MAST4: variants seen among roughly 807,000 people sequenced by gnomAD.
MAST4 encodes the protein microtubule associated serine/threonine kinase family member 4, also known as microtubule-associated serine/threonine-protein kinase 4.
Under a neutral mutation model 162.7 loss-of-function variants are expected in MAST4, and 89 were observed. That is an observed-to-expected ratio of 0.55 (90% CI 0.46 to 0.65). MAST4 has a LOEUF of 0.65. MAST4 is among the 30% of genes least tolerant of loss of function. The pLI, the probability that MAST4 is intolerant of heterozygous loss-of-function variation, is 0.00. For synonymous variants in MAST4, 1,479 were observed against 1,361.1 expected (o/e 1.09, Z -1.91); for missense variants, 3,153 against 3,374.0 (o/e 0.93, Z 1.62).
chr5:66,855,268 C>T (rs1759594477), intron 3 of MAST4, among the ~76,000 whole-genome samples: 1 of 152,160 alleles, frequency 6.6e-6, no homozygotes, highest in African/African-American at 2.4e-5. Context: ...CTCTCTCTTG[C>T]TCCCGCTATT....
intron 2 of MAST4, among the ~76,000 whole-genome samples, chr5:66,763,720 T>A (rs577531240): frequency 6.0e-4 from 91 of 152,352 alleles, no homozygotes; most frequent in African/African-American, 2.0e-3. Flanking sequence ...TGTAATTAAA[T>A]AATTGTATAC....
intron 1 of MAST4, among the ~76,000 whole-genome samples, chr5:66,679,049 C>T (rs946350922): frequency 1.3e-5 from 2 of 152,190 alleles, no homozygotes; most frequent in Non-Finnish European, 2.9e-5. Flanking sequence ...GCCTCGGCCT[C>T]CTGAAGTCTG....
At chr5:67,104,696 G>GTA in intron 10 of MAST4, 121 bp downstream of exon 10, 14 of 513,656 alleles carry the variant, frequency 2.7e-5, no homozygotes, top group East Asian at 3.5e-5. Flanking sequence ...CAAAAAAGAA[G>GTA]GAAAAAAAAA....
chr5:67,142,694 A>T (rs1041545704), intron 21 of MAST4, 161 bp downstream of exon 21: 10 of 596,474 alleles, frequency 1.7e-5, no homozygotes, highest in African/African-American at 1.7e-4. Flanking sequence ...CTCAACTTAT[A>T]GTCTGTCCCT....
chr5:67,094,241 G>C (rs1388242967), intron 6 of MAST4: 1 of 1,008,538 alleles, frequency 9.9e-7, no homozygotes, highest in Non-Finnish European at 1.4e-6. Context: ...TTGTCTTTGT[G>C]GACCATTTGC....
chr5:66,630,094 A>G (rs1744701412), intron 1 of MAST4, among the ~76,000 whole-genome samples: 1 of 151,914 alleles, frequency 6.6e-6, no homozygotes, highest in South Asian at 2.1e-4. Context: ...GGAACTTGGA[A>G]AAAAAAATCC....
chr5:66,872,147 A>C (rs1351866662), intron 3 of MAST4, among the ~76,000 whole-genome samples: 2 of 117,922 alleles, frequency 1.7e-5, no homozygotes, highest in East Asian at 2.4e-4. Flanking sequence ...ATAGGATATA[A>C]ATTTTTTGTT....
chr5:66,712,818 A>G (rs1580266215), intron 1 of MAST4, among the ~76,000 whole-genome samples: 1 of 152,330 alleles, frequency 6.6e-6, no homozygotes, highest in East Asian at 1.9e-4. Context: ...ATAGAGAAAT[A>G]AAAACTATCA....
chr5:66,974,785 C>T (rs767468635), intron 4 of MAST4, among the ~76,000 whole-genome samples: 1 of 152,086 alleles, frequency 6.6e-6, no homozygotes, highest in Non-Finnish European at 1.5e-5. Context: ...GTACATAATA[C>T]CTTGAAAGCT....
intron 3 of MAST4, among the ~76,000 whole-genome samples, chr5:66,855,576 G>A (rs1759620225): frequency 6.6e-6 from 1 of 152,216 alleles, no homozygotes; most frequent in Non-Finnish European, 1.5e-5. Flanking sequence ...CAAGAAGCAG[G>A]AATGAGGGAG....
intron 1 of MAST4, among the ~76,000 whole-genome samples, chr5:66,639,912 T>C (rs1745374288): frequency 6.6e-6 from 1 of 152,206 alleles, no homozygotes; most frequent in African/African-American, 2.4e-5. Flanking sequence ...AATTGATATA[T>C]CTATCATCTC....
chr5:66,730,828 G>A (rs1561291575), intron 1 of MAST4, among the ~76,000 whole-genome samples: 1 of 151,252 alleles, frequency 6.6e-6, no homozygotes, highest in Non-Finnish European at 1.5e-5. Flanking sequence ...ATGCCATTTT[G>A]CTTTATGGAT....
Position 66,882,825 on chromosome 5 carries a change from A to G in MAST4, c.643-17126A>G, listed in dbSNP as rs183576528. Among the ~76,000 whole-genome samples the G allele has an allele frequency of 5.4e-4, 83 of 152,298 alleles. 1 individual carries two copies. Among genetic ancestry groups the G allele is most frequent in the Non-Finnish European group, 9.7e-4 (66 of 68,034 alleles). On this transcript the variant is annotated intron_variant, in intron 3 of 28. Transcript: ENST00000403625. ...CTACAGTGTATGACGCAGAAGAGGCATACCTTTTTCTGAAGCTAAGTAGTA... is the reference window on the plus strand; with the variant it reads ...CTACAGTGTATGACGCAGAAGAGGCGTACCTTTTTCTGAAGCTAAGTAGTA...
chr5:67,109,602 C>T (rs1395404608), intron 10 of MAST4, among the ~76,000 whole-genome samples: 2 of 151,946 alleles, frequency 1.3e-5, no homozygotes, highest in Non-Finnish European at 2.9e-5. Flanking sequence ...ACACTTCTTA[C>T]GTGTGATAAT....
intron 4 of MAST4, among the ~76,000 whole-genome samples, chr5:67,021,094 C>T (rs1753916567): frequency 6.6e-6 from 1 of 152,160 alleles, no homozygotes; most frequent in Non-Finnish European, 1.5e-5. Flanking sequence ...GGTTGAAGTT[C>T]AGTCTTTCCT....
At position 67,163,910 on chromosome 5, in the gene MAST4, T is replaced by C; in HGVS notation, c.4731T>C (p.Tyr1577=). Residue 1577 remains tyrosine, a synonymous_variant, in exon 29 of 29, where the codon TAT becomes TAC. Transcript: ENST00000403625. The surrounding 1 kb of genome is among the most constrained non-coding windows in gnomAD (Gnocchi z 7.0). ...TGGAAGAGAGAGAGAAGAAAGTCTA[T>C]CCGAAGGCTGTGGAAAGGTCAAGTA... The part of the protein sequence containing the change: ...FKLEEREKKV[Y]PKAVERSSTF... The C allele has an allele frequency of 6.2e-7, 1 of 1,613,948 alleles. No individual in the cohort carries two copies. Among genetic ancestry groups the C allele is most frequent in the Non-Finnish European group, 8.5e-7 (1 of 1,179,888 alleles).
rs1158322314 is a variant in MAST4, at chr5:66,703,776, AG to A, written c.364-55931del. 3.3e-5 allele frequency among the ~76,000 whole-genome samples: 5 copies of A among 152,308 alleles called. No homozygotes were observed. In the East Asian group the frequency reaches 9.7e-4, roughly 29 times the overall value. ...GGAAATAGTCATTAAGCTAGTATACAGGAGATCAAATCAGGAGGAAAGAAGT... is the reference window on the plus strand; with the variant it reads ...GGAAATAGTCATTAAGCTAGTATACAGAGATCAAATCAGGAGGAAAGAAGT... On this transcript the variant is annotated intron_variant, in intron 1 of 28. Transcript: ENST00000403625.
chr5:67,135,822 C>G (rs975146954), intron 18 of MAST4, among the ~76,000 whole-genome samples: 2 of 152,202 alleles, frequency 1.3e-5, no homozygotes. Context: ...TAAACTGCAG[C>G]AGAGGAAGCT....
chr5:66,895,981 T>C (rs1286356956), intron 3 of MAST4, among the ~76,000 whole-genome samples: 1 of 152,204 alleles, frequency 6.6e-6, no homozygotes, highest in African/African-American at 2.4e-5. Flanking sequence ...GACTTTAACA[T>C]TGGTACATTG....
Sources: allele counts gnomAD v4.1 joint callset (sites outside exome capture counted in the v4.1 genomes callset), GRCh38; gene constraint gnomAD v4.1.1; non-coding constraint Gnocchi (gnomAD v3.1); transcripts MANE v1.5; gene names NCBI Gene and HGNC (gene_info 2026-07-23, HGNC 2026-07-21).